The following RUNX2 variants were observed in gnomAD, a reference collection of about 807,000 sequenced individuals.
RUNX2 encodes the protein RUNX family transcription factor 2.
In RUNX2, 10 loss-of-function variants were observed where a neutral mutation model predicts 51.7. The ratio of observed to expected loss-of-function variants is 0.19; its 90% CI spans 0.12 to 0.33. The LOEUF (loss-of-function observed/expected upper bound fraction) is 0.33. RUNX2 is among the 10% of genes least tolerant of loss of function. The pLI is 1.00. For synonymous variants in RUNX2, 276 were observed against 273.6 expected (o/e 1.01, Z -0.09); for missense variants, 562 against 691.3 (o/e 0.81, Z 2.10).
intron 2 of RUNX2, among the ~76,000 whole-genome samples, chr6:45,394,476 G>A (rs2150348584): frequency 6.6e-6 from 1 of 152,314 alleles, no homozygotes; most frequent in East Asian, 1.9e-4. Flanking sequence ...AGTAGGGTCT[G>A]AAGCTTACAG....
chr6:45,406,335 C>T (rs1797833505), intron 2 of RUNX2, among the ~76,000 whole-genome samples: 1 of 152,144 alleles, frequency 6.6e-6, no homozygotes, highest in Non-Finnish European at 1.5e-5. Flanking sequence ...TTCTGGTATC[C>T]TGACTTCTCA....
Position 45,422,759 on chromosome 6 carries a change from G to GGCGGCT in RUNX2, c.231_236dup (p.Ala88_Ala89dup), listed in dbSNP as rs1325111477. 6 of 1,325,818 alleles carry GGCGGCT rather than the reference G, an allele frequency of 4.5e-6. No individual in the cohort carries two copies. In the East Asian group the frequency reaches 1.4e-4, roughly 32 times the overall value. The allele number at this position is 1,325,818 out of a possible 1,614,324, so 82.1% of individuals were successfully genotyped here. ...AGCAGCAGCAGCAGGAGGCGGCGGCGGCGGCTGCGGCGGCGGCGGCGGCTG... is the reference window on the plus strand; with the variant it reads ...AGCAGCAGCAGCAGGAGGCGGCGGCGGCGGCTGCGGCTGCGGCGGCGGCGGCGGCTG... On this transcript the variant is annotated inframe_insertion, in exon 3 of 9. Transcript: ENST00000647337.
At chr6:45,419,492 T>C (rs1288895172) in intron 2 of RUNX2, among the ~76,000 whole-genome samples, 11 of 152,140 alleles carry the variant, frequency 7.2e-5, no homozygotes. Context: ...TATGTGTGTC[T>C]GCGTGTGGAC....
chr6:45,464,120 G>A (rs1254176592), intron 5 of RUNX2, among the ~76,000 whole-genome samples: 2 of 152,064 alleles, frequency 1.3e-5, no homozygotes, highest in South Asian at 2.1e-4. Flanking sequence ...GTGAACCCGG[G>A]AGGTGGAGCT....
At chr6:45,475,844 C>A (rs1356152434) in intron 5 of RUNX2, among the ~76,000 whole-genome samples, 1 of 152,198 alleles carries the variant, frequency 6.6e-6, no homozygotes, top group East Asian at 1.9e-4. Context: ...AAAATTATAG[C>A]CCTAGGGCCT....
chr6:45,440,321 G>T (rs1002976163), intron 5 of RUNX2, among the ~76,000 whole-genome samples: 17 of 152,254 alleles, frequency 1.1e-4, no homozygotes, highest in African/African-American at 4.1e-4. Flanking sequence ...TCTCAATATG[G>T]TTCTTTAATT....
At chr6:45,351,221 G>A (rs1197291763) in intron 2 of RUNX2, among the ~76,000 whole-genome samples, 1 of 151,982 alleles carries the variant, frequency 6.6e-6, no homozygotes, top group Non-Finnish European at 1.5e-5. Flanking sequence ...CTCTAAATTA[G>A]TGAAAACACT....
chr6:45,405,055 A>T (rs192253031), intron 2 of RUNX2, among the ~76,000 whole-genome samples: 54 of 152,298 alleles, frequency 3.5e-4, no homozygotes, highest in African/African-American at 1.3e-3. Context: ...CTTTTTGTTC[A>T]TGTTCTTACC....
chr6:45,369,734 G>C (rs1795736516), intron 2 of RUNX2, among the ~76,000 whole-genome samples: 1 of 152,172 alleles, frequency 6.6e-6, no homozygotes, highest in Non-Finnish European at 1.5e-5. Context: ...GGATATAGTA[G>C]TGACTAAGTC....
chr6:45,489,506 C>T (rs1230018438), intron 5 of RUNX2, among the ~76,000 whole-genome samples: 1 of 152,190 alleles, frequency 6.6e-6, no homozygotes, highest in African/African-American at 2.4e-5. Flanking sequence ...TTTCTTGTGA[C>T]CCATGGCCCA....
At chr6:45,429,256 C>T (rs1360405395) in intron 3 of RUNX2, among the ~76,000 whole-genome samples, 2 of 152,132 alleles carry the variant, frequency 1.3e-5, no homozygotes, top group Non-Finnish European at 2.9e-5. Flanking sequence ...TACAACTTTT[C>T]TCCTGCCTTT....
intron 2 of RUNX2, among the ~76,000 whole-genome samples, chr6:45,419,566 GTCTC>G (rs900878393): frequency 6.6e-6 from 1 of 152,172 alleles, no homozygotes; most frequent in African/African-American, 2.4e-5. Flanking sequence ...AATGGATGCA[GTCTC>G]TCTCTCTCTT....
At chr6:45,335,653 T>C (rs1788392336) in intron 2 of RUNX2, among the ~76,000 whole-genome samples, 1 of 151,258 alleles carries the variant, frequency 6.6e-6, no homozygotes, top group African/African-American at 2.4e-5. Context: ...CACTGTGTTT[T>C]CCATAAAGCT....
At chr6:45,524,470 AC>A (rs1453305787) in intron 7 of RUNX2, among the ~76,000 whole-genome samples, 6 of 152,168 alleles carry the variant, frequency 3.9e-5, no homozygotes. Context: ...CTCGCGCTGT[AC>A]CCAAAACGGT....
At chr6:45,451,938 G>T (rs1799186106) in intron 5 of RUNX2, among the ~76,000 whole-genome samples, 1 of 152,256 alleles carries the variant, frequency 6.6e-6, no homozygotes, top group Non-Finnish European at 1.5e-5. Context: ...AATAATGAGG[G>T]TAATTTGTCT....
chr6:45,467,482 A>G (rs1302696777), intron 5 of RUNX2, among the ~76,000 whole-genome samples: 2 of 151,856 alleles, frequency 1.3e-5, no homozygotes, highest in Admixed American at 6.6e-5. Flanking sequence ...GGGTTTCACT[A>G]TGTTGGCCAG....
chr6:45,539,477 A>T (rs1164974940), intron 7 of RUNX2, among the ~76,000 whole-genome samples: 1 of 152,196 alleles, frequency 6.6e-6, no homozygotes, highest in Admixed American at 6.5e-5. Flanking sequence ...GATCCATTGC[A>T]TGTCTTCTAT....
intron 5 of RUNX2, among the ~76,000 whole-genome samples, chr6:45,475,503 CT>C (rs746685429): frequency 5.9e-5 from 9 of 152,274 alleles, no homozygotes; most frequent in East Asian, 5.8e-4. Flanking sequence ...TATCACATGC[CT>C]TAGTGCTTTA....
chr6:45,408,500 G>C (rs1489419765), intron 2 of RUNX2, among the ~76,000 whole-genome samples: 1 of 152,012 alleles, frequency 6.6e-6, no homozygotes, highest in African/African-American at 2.4e-5. Flanking sequence ...CAGCCCCTAA[G>C]AACACTAAAG....
Sources: gnomAD v4.1 joint callset for allele counts (sites outside exome capture counted in the v4.1 genomes callset) on GRCh38, gnomAD v4.1.1 for gene constraint, MANE v1.5 for transcripts, NCBI Gene and HGNC (gene_info 2026-07-23, HGNC 2026-07-21) for gene names.